The following LYPD6 variants were observed in gnomAD, a reference collection of about 807,000 sequenced individuals.
LYPD6 encodes ly6/PLAUR domain-containing protein 6.
LYPD6 carries 15 observed loss-of-function variants against 22.7 expected under a neutral mutation model. The observed-to-expected ratio is 0.66, with a 90% CI of 0.44 to 1.02. The LOEUF (loss-of-function observed/expected upper bound fraction) is 1.02, where lower values mean the gene tolerates loss of function less well. LYPD6 is among the 50% of genes least tolerant of loss of function. The pLI is 0.00. For missense variants in LYPD6, 189 were observed against 208.4 expected (o/e 0.91, Z 0.57); for synonymous variants, 72 against 77.5 (o/e 0.93, Z 0.37).
intron 1 of LYPD6, among the ~76,000 whole-genome samples, chr2:149,412,780 A>G (rs562466709): frequency 6.6e-6 from 1 of 152,312 alleles, no homozygotes; most frequent in East Asian, 1.9e-4. Flanking sequence ...AAGTAATATC[A>G]TATTAGGATC....
At chr2:149,481,348 A>G in the LYPD6 span, among the ~76,000 whole-genome samples, 2 of 152,226 alleles carry the variant, frequency 1.3e-5, no homozygotes, top group Admixed American at 1.3e-4. Context: ...AAGCCGTAAA[A>G]CTAGCATCTC....
intron 1 of LYPD6, among the ~76,000 whole-genome samples, chr2:149,430,786 AT>A (rs1291039709): frequency 6.6e-6 from 1 of 152,236 alleles, no homozygotes; most frequent in Non-Finnish European, 1.5e-5. Flanking sequence ...CTTAATTTTC[AT>A]CTAGTGACCA....
At chr2:149,354,465 C>T (rs1395725289) in intron 1 of LYPD6, among the ~76,000 whole-genome samples, 2 of 152,150 alleles carry the variant, frequency 1.3e-5, no homozygotes, top group African/African-American at 4.8e-5. Flanking sequence ...CTCAGCCTCC[C>T]AAAGTGCTGG....
intron 1 of LYPD6, among the ~76,000 whole-genome samples, chr2:149,352,372 G>C (rs1300567906): frequency 1.3e-5 from 2 of 152,184 alleles, no homozygotes; most frequent in African/African-American, 2.4e-5. Flanking sequence ...GTACTCTGGG[G>C]AGAGAGAATG....
At chr2:149,446,576 CT>C (rs916803517) in intron 2 of LYPD6, among the ~76,000 whole-genome samples, 4 of 152,138 alleles carry the variant, frequency 2.6e-5, no homozygotes, top group African/African-American at 9.7e-5. Flanking sequence ...CATTTTCCCC[CT>C]ATTAAAATTT....
chr2:149,366,023 A>G (rs1413312578), intron 1 of LYPD6, among the ~76,000 whole-genome samples: 1 of 152,206 alleles, frequency 6.6e-6, no homozygotes, highest in Non-Finnish European at 1.5e-5. Flanking sequence ...GCTCACATCA[A>G]CTAATGACTT....
chr2:149,361,184 G>A (rs1266858888), intron 1 of LYPD6, among the ~76,000 whole-genome samples: 1 of 152,204 alleles, frequency 6.6e-6, no homozygotes, highest in Non-Finnish European at 1.5e-5. Context: ...AAAGAAAGCT[G>A]TTGGGGGATA....
chr2:149,415,530 A>C (rs1267896111), intron 1 of LYPD6, among the ~76,000 whole-genome samples: 1 of 151,998 alleles, frequency 6.6e-6, no homozygotes, highest in Non-Finnish European at 1.5e-5. Context: ...TCTAAGGGAA[A>C]TGGTGCTGGA....
At position 149,434,625 on chromosome 2, in the gene LYPD6, C is replaced by T. The variant is rs547972937; in HGVS notation, c.-71-3013C>T. ...TATGGCAAAACAAAGGATGAGTTGACGAAGAAAGGGAGTGGAGGGCAAGAG... is the reference window on the plus strand; with the variant it reads ...TATGGCAAAACAAAGGATGAGTTGATGAAGAAAGGGAGTGGAGGGCAAGAG... On this transcript the variant is annotated intron_variant, in intron 1 of 4. Transcript: ENST00000334166. 5.9e-4 allele frequency among the ~76,000 whole-genome samples: 90 copies of T among 152,108 alleles called. 1 individual carries two copies. Among genetic ancestry groups the T allele is most frequent in the African/African-American group, 2.0e-3 (85 of 41,486 alleles).
chr2:149,444,380 A>G (rs1683634712), intron 2 of LYPD6, among the ~76,000 whole-genome samples: 1 of 152,182 alleles, frequency 6.6e-6, no homozygotes, highest in Non-Finnish European at 1.5e-5. Context: ...TGGTTGCTGA[A>G]GGCTGGGGTA....
intron 1 of LYPD6, among the ~76,000 whole-genome samples, chr2:149,392,057 G>T (rs1284922500): frequency 1.3e-5 from 2 of 152,176 alleles, no homozygotes; most frequent in Admixed American, 6.5e-5. Flanking sequence ...TCTTGGTGAG[G>T]ACCCACCTCC....
intron 1 of LYPD6, among the ~76,000 whole-genome samples, chr2:149,362,865 C>T (rs1056772675): frequency 2.0e-5 from 3 of 152,284 alleles, no homozygotes; most frequent in East Asian, 1.9e-4. Context: ...GTTTTCAACA[C>T]GTGCAATTTG....
chr2:149,367,645 C>T (rs1681705045), intron 1 of LYPD6: 1 of 152,090 alleles, frequency 6.6e-6, no homozygotes, highest in Non-Finnish European at 1.5e-5. Flanking sequence ...TTTACAAAAC[C>T]TTTGTGAGGT....
chr2:149,365,684 A>C (rs921136206), intron 1 of LYPD6, among the ~76,000 whole-genome samples: 6 of 151,950 alleles, frequency 3.9e-5, no homozygotes, highest in Non-Finnish European at 1.5e-5. Flanking sequence ...CTTCCTAATG[A>C]GAAAAATTAA....
intron 1 of LYPD6, among the ~76,000 whole-genome samples, chr2:149,405,059 C>A (rs1682664938): frequency 6.6e-6 from 1 of 152,148 alleles, no homozygotes; most frequent in Non-Finnish European, 1.5e-5. Context: ...TATATTGAAC[C>A]AGCCTTGCAT....
chr2:149,377,406 G>A (rs1192595325), intron 1 of LYPD6, among the ~76,000 whole-genome samples: 1 of 152,116 alleles, frequency 6.6e-6, no homozygotes, highest in Non-Finnish European at 1.5e-5. Context: ...TGCTGCGAGA[G>A]GCAGGAGCAC....
rs113013067 is a variant in LYPD6 at position 149,333,764 on chromosome 2, G to A, written c.-72+3042G>A. 2.2e-3 allele frequency among the ~76,000 whole-genome samples: 337 copies of A among 152,210 alleles called. 3 individuals are homozygous for A. The highest frequency in any genetic ancestry group is 7.8e-3 in the African/African-American group (324 of 41,528). ...GGACCTTACACCTACCAAATGCCCC[G>A]TTATTGTTAGCTGTTGGTATCATAC... On this transcript the variant is annotated intron_variant, in intron 1 of 4. Coordinates refer to ENST00000334166, the MANE Select transcript of LYPD6 (RefSeq NM_194317.5).
chr2:149,438,037 G>C (rs16826983), intron 2 of LYPD6, among the ~76,000 whole-genome samples: 5,434 of 152,086 alleles, frequency 0.036, 340 homozygotes, highest in African/African-American at 0.12. Flanking sequence ...TATTGGGCTT[G>C]TTTTCTCTGT....
chr2:149,331,343 C>T (rs766360282), intron 1 of LYPD6, among the ~76,000 whole-genome samples: 4 of 152,180 alleles, frequency 2.6e-5, no homozygotes, highest in Non-Finnish European at 5.9e-5. Context: ...TTTTTCTCTC[C>T]GGTAACAGCA....
Sources: gnomAD v4.1 joint callset for allele counts (sites outside exome capture counted in the v4.1 genomes callset) on GRCh38, gnomAD v4.1.1 for gene constraint, MANE v1.5 for transcripts, NCBI Gene and HGNC (gene_info 2026-07-23, HGNC 2026-07-21) for gene names.